The following NRG3 variants were observed in gnomAD, a reference collection of about 807,000 sequenced individuals.
NRG3 encodes the protein pro-neuregulin-3, membrane-bound isoform.
Under a neutral mutation model 66.9 loss-of-function variants are expected in NRG3, and 31 were observed. The observed-to-expected ratio is 0.46, with a 90% CI of 0.35 to 0.63. The LOEUF is 0.63. Among genes scored for constraint, NRG3 ranks in the 20% least tolerant of loss-of-function variants. NRG3 has a pLI of 0.00. For missense variants in NRG3, 910 were observed against 878.9 expected, an observed-to-expected ratio of 1.04 and a Z score of -0.45; for synonymous variants, 393 against 359.4, an observed-to-expected ratio of 1.09 and a Z score of -1.06.
At chr10:82,303,350 C>A (rs2080520118) in intron 1 of NRG3, among the ~76,000 whole-genome samples, 1 of 151,868 alleles carries the variant, frequency 6.6e-6, no homozygotes, top group East Asian at 1.9e-4. Context: ...CACACACACA[C>A]ACACACACGG....
At chr10:82,711,552 TGTGTG>T (rs2056668527) in intron 2 of NRG3, among the ~76,000 whole-genome samples, 1 of 151,958 alleles carries the variant, frequency 6.6e-6, no homozygotes, top group Non-Finnish European at 1.5e-5. Flanking sequence ...TGTGTGTGTG[TGTGTG>T]TGTGTGTGTG....
rs557719091 is a variant in NRG3 at position 82,772,784 on chromosome 10, C to A, written c.1027+34134C>A. 3.5e-5 allele frequency among the ~76,000 whole-genome samples: 5 copies of A among 142,254 alleles called. No homozygotes were observed. In the Admixed American group the frequency reaches 3.8e-4, roughly 11 times the overall value. 93.3% of individuals were successfully genotyped at this position (142,254 alleles called of 152,430 possible). ...ATACTGATGTGATCATAGTTCATTG[C>A]AGCCTCGACCTCCTGGGCTCAAGCA... On this transcript the variant is annotated intron_variant, in intron 3 of 8. Coordinates refer to ENST00000372141, the MANE Select transcript of NRG3 (RefSeq NM_001010848.4).
At chr10:82,473,160 T>G (rs1021771099) in intron 2 of NRG3, among the ~76,000 whole-genome samples, 1 of 152,210 alleles carries the variant, frequency 6.6e-6, no homozygotes. Context: ...GTGATGTCTG[T>G]GCGCACCAGC....
In NRG3 at chr10:81,916,020, T is replaced by C. The variant is rs561329246; in HGVS notation, c.823+39857T>C. Among the ~76,000 whole-genome samples the C allele has an allele frequency of 2.6e-5, 4 of 152,304 alleles. No individual in the cohort carries two copies. The South Asian group carries it at 8.3e-4, about 32-fold the overall frequency. On this transcript the variant is annotated intron_variant, in intron 1 of 8. Coordinates refer to ENST00000372141, the MANE Select transcript of NRG3 (RefSeq NM_001010848.4). ...AATGATCTCACTTAACATATCTAAA[T>C]TATTATCATTTCAACATGTAATCAA...
At chr10:82,361,811 T>A (rs2135622773) in intron 2 of NRG3, among the ~76,000 whole-genome samples, 1 of 152,212 alleles carries the variant, frequency 6.6e-6, no homozygotes, top group South Asian at 2.1e-4. Context: ...TTAATAGATC[T>A]GAGCAGCAAT....
At chr10:81,928,424 T>C (rs1011934460) in intron 1 of NRG3, among the ~76,000 whole-genome samples, 2 of 152,230 alleles carry the variant, frequency 1.3e-5, no homozygotes, top group African/African-American at 4.8e-5. Flanking sequence ...CATTTGGGTC[T>C]TAAAAACCTC....
At chr10:81,907,000 G>C (rs1421309645) in intron 1 of NRG3, among the ~76,000 whole-genome samples, 1 of 152,154 alleles carries the variant, frequency 6.6e-6, no homozygotes, top group Non-Finnish European at 1.5e-5. Flanking sequence ...GGAGAGAGAA[G>C]TACTAGAGTA....
chr10:82,894,079 T>C (rs538476906), intron 4 of NRG3, among the ~76,000 whole-genome samples: 25 of 152,292 alleles, frequency 1.6e-4, no homozygotes, highest in Non-Finnish European at 3.1e-4. Context: ...TTTCAGAGAA[T>C]TGCAAAGAGG....
intron 2 of NRG3, among the ~76,000 whole-genome samples, chr10:82,395,867 T>G (rs1293064151): frequency 1.3e-5 from 2 of 152,158 alleles, no homozygotes; most frequent in African/African-American, 2.4e-5. Context: ...TTTAAACATT[T>G]TTGTCAAAAC....
At chr10:82,855,473 C>T (rs888034288) in intron 3 of NRG3, among the ~76,000 whole-genome samples, 1 of 152,138 alleles carries the variant, frequency 6.6e-6, no homozygotes, top group African/African-American at 2.4e-5. Flanking sequence ...TCTAGGCTCA[C>T]TGCAACCTCG....
At chr10:82,299,628 A>G (rs2080277280) in intron 1 of NRG3, among the ~76,000 whole-genome samples, 1 of 151,658 alleles carries the variant, frequency 6.6e-6, no homozygotes, top group Non-Finnish European at 1.5e-5. Context: ...ATACTAATTC[A>G]TTTTTGTATT....
intron 1 of NRG3, among the ~76,000 whole-genome samples, chr10:81,960,738 C>G (rs1030919453): frequency 2.0e-5 from 3 of 151,580 alleles, no homozygotes; most frequent in Non-Finnish European, 4.4e-5. Context: ...GATCGCCTCC[C>G]TGTTTGAACA....
At chr10:82,366,424 A>G (rs1258420912) in intron 2 of NRG3, among the ~76,000 whole-genome samples, 4 of 152,216 alleles carry the variant, frequency 2.6e-5, no homozygotes, top group African/African-American at 4.8e-5. Flanking sequence ...GTATATTCTC[A>G]GGACTCAGAA....
At chr10:81,982,512 G>A (rs931411131) in intron 1 of NRG3, among the ~76,000 whole-genome samples, 2 of 152,108 alleles carry the variant, frequency 1.3e-5, no homozygotes, top group Admixed American at 1.3e-4. Flanking sequence ...TTAGTTTTCT[G>A]GGGCTGCCAT....
At chr10:82,389,863 C>T (rs760645407) in intron 2 of NRG3, among the ~76,000 whole-genome samples, 1 of 152,128 alleles carries the variant, frequency 6.6e-6, no homozygotes, top group African/African-American at 2.4e-5. Context: ...GACATTAACA[C>T]GTATGATAAC....
chr10:82,620,055 T>C (rs1018303491), intron 2 of NRG3, among the ~76,000 whole-genome samples: 2 of 152,160 alleles, frequency 1.3e-5, no homozygotes, highest in Non-Finnish European at 2.9e-5. Flanking sequence ...AGAATGCACT[T>C]TGGGCACCAG....
intron 7 of NRG3, among the ~76,000 whole-genome samples, chr10:82,977,390 C>T (rs888619952): frequency 3.9e-5 from 6 of 151,996 alleles, no homozygotes; most frequent in Admixed American, 2.6e-4. Flanking sequence ...GGGTGGATCA[C>T]CTGAGGTCAG....
At chr10:82,175,833 A>T (rs1423438136) in intron 1 of NRG3, among the ~76,000 whole-genome samples, 1 of 152,166 alleles carries the variant, frequency 6.6e-6, no homozygotes. Context: ...GATACTATTT[A>T]TTGCCTACCT....
chr10:81,971,241 A>G (rs1224254636), intron 1 of NRG3, among the ~76,000 whole-genome samples: 1 of 152,240 alleles, frequency 6.6e-6, no homozygotes, highest in Non-Finnish European at 1.5e-5. Context: ...TTCTCTTTTT[A>G]TATCAAGTCA....
Sources: allele counts gnomAD v4.1 joint callset (sites outside exome capture counted in the v4.1 genomes callset), GRCh38; gene constraint gnomAD v4.1.1; transcripts MANE v1.5; gene names NCBI Gene and HGNC (gene_info 2026-07-23, HGNC 2026-07-21).